PHF20: variants seen among roughly 807,000 people sequenced by gnomAD.
The protein encoded by PHF20 is glioma-expressed antigen 2.
A neutral mutation model predicts 113.5 loss-of-function variants in PHF20; 23 were observed. That is an observed-to-expected ratio of 0.20 (90% CI 0.15 to 0.29). The LOEUF (loss-of-function observed/expected upper bound fraction) is 0.29. PHF20 is among the 10% of genes least tolerant of loss of function. The pLI is 1.00. For synonymous variants in PHF20, 434 were observed against 457.3 expected (o/e 0.95, Z 0.65); for missense variants, 943 against 1,219.6 (o/e 0.77, Z 3.38).
intron 3 of PHF20, among the ~76,000 whole-genome samples, chr20:35,846,313 G>T (rs1265105475): frequency 1.3e-5 from 2 of 151,814 alleles, no homozygotes; most frequent in African/African-American, 4.8e-5. Context: ...CGAGAAGCTG[G>T]GATTACAGGT....
At chr20:35,938,489 A>C (rs2055909826) in intron 15 of PHF20, 1 of 562,842 alleles carries the variant, frequency 1.8e-6, no homozygotes, top group Non-Finnish European at 3.1e-6. Context: ...AGTCCCACTC[A>C]CTGTGTGTGA....
intron 2 of PHF20, among the ~76,000 whole-genome samples, chr20:35,841,182 A>G (rs2042529051): frequency 6.6e-6 from 1 of 151,844 alleles, no homozygotes; most frequent in African/African-American, 2.4e-5. Context: ...CCATCTCTAC[A>G]AAAAATACAA....
chr20:35,821,433 C>CA lies in PHF20; in HGVS notation c.83+19840dup, dbSNP rs541660924. 7.5e-3 allele frequency among the ~76,000 whole-genome samples: 569 copies of CA among 75,798 alleles called. 1 individual carries two copies. The highest frequency in any genetic ancestry group is 0.06 in the Middle Eastern group (5 of 84). 49.7% of individuals were successfully genotyped at this position (75,798 alleles called of 152,430 possible). On this transcript the variant is annotated intron_variant, in intron 2 of 17. Transcript: ENST00000374012. The stretch of plus-strand genomic sequence containing the variant: ...CTAGGCAACAAGAGCGAAACTCTGT[C>CA]AAAAAAAAAAAAGGGGCTGTGAGCC...
chr20:35,917,491 T>G lies in PHF20; in HGVS notation c.1833T>G (p.Asp611Glu), dbSNP rs79232141. The stretch of plus-strand genomic sequence containing the variant: ...TTTTCCCTTTCCTCGTAGAGGAGGA[T>G]AATTTGAGTGAGTCCTCTTCTGAGA... ...HKGKVKALEE[D>E]NLSESSSESF... The change falls in exon 13 of 18, where the codon GAT becomes GAG. Residue 611 changes from aspartate to glutamate, a missense_variant. Asp to Glu is a conservative substitution (Grantham distance 45). This residue lies in a region of PHF20 where 592 missense variants were observed against 787.2 expected (regional missense o/e 0.75). Coordinates refer to ENST00000374012, the MANE Select transcript of PHF20 (RefSeq NM_016436.5). 274 of 1,613,264 alleles carry G rather than the reference T, an allele frequency of 1.7e-4. No individual in the cohort carries two copies. The East Asian group carries it at 5.4e-3, about 32-fold the overall frequency.
chr20:35,807,663 A>C (rs985607890), intron 2 of PHF20, among the ~76,000 whole-genome samples: 4 of 152,024 alleles, frequency 2.6e-5, no homozygotes, highest in Admixed American at 6.6e-5. Context: ...AGATCTTTAT[A>C]TATATATTTT....
At chr20:35,923,110 G>A (rs1226608790) in intron 13 of PHF20, among the ~76,000 whole-genome samples, 4 of 152,180 alleles carry the variant, frequency 2.6e-5, no homozygotes, top group African/African-American at 7.2e-5. Flanking sequence ...GTGAGACCCT[G>A]TCTCAAAAAA....
intron 2 of PHF20, among the ~76,000 whole-genome samples, chr20:35,807,441 C>T (rs1028398703): frequency 1.3e-5 from 2 of 151,450 alleles, no homozygotes; most frequent in Admixed American, 6.6e-5. Flanking sequence ...CAACCTCCGC[C>T]TCCCAGGCTC....
intron 10 of PHF20, among the ~76,000 whole-genome samples, chr20:35,903,715 A>G (rs1310226541): frequency 6.6e-6 from 1 of 152,196 alleles, no homozygotes; most frequent in East Asian, 1.9e-4. Context: ...AAGCCTGGCC[A>G]CCAGCCCTGA....
At chr20:35,907,513 G>A (rs2055221772) in intron 10 of PHF20, among the ~76,000 whole-genome samples, 2 of 152,208 alleles carry the variant, frequency 1.3e-5, no homozygotes, top group South Asian at 4.1e-4. Flanking sequence ...GCAGACCAGC[G>A]ACCAGCACTG....
intron 1 of PHF20, among the ~76,000 whole-genome samples, chr20:35,795,353 C>A (rs550700761): frequency 6.6e-6 from 1 of 151,802 alleles, no homozygotes; most frequent in Admixed American, 6.6e-5. Flanking sequence ...TTCTGCCTCA[C>A]CCTCCTGAGT....
rs781127763 is a variant in PHF20 at position 35,899,404 on chromosome 20, G to T, written c.1317G>T (p.Gly439=). ...TNTFKKTDDF[G]SSNAPAVDLD... ...CTTTTAAGAAAACAGATGATTTTGG[G>T]TCATCTAATGCACCAGCTGTCGACC... is the stretch of plus-strand genomic sequence containing the variant. The change falls in exon 10 of 18, where the codon GGG becomes GGT. Residue 439 remains glycine, a synonymous_variant. Coordinates refer to ENST00000374012, the MANE Select transcript of PHF20 (RefSeq NM_016436.5). 83 of 1,611,302 alleles carry T rather than the reference G, an allele frequency of 5.2e-5. No homozygotes were observed. In the East Asian group the frequency reaches 6.9e-4, roughly 13 times the overall value.
chr20:35,800,536 T>G (rs922870031), intron 1 of PHF20, among the ~76,000 whole-genome samples: 1 of 152,184 alleles, frequency 6.6e-6, no homozygotes, highest in African/African-American at 2.4e-5. Context: ...TTTGGGAGGT[T>G]GATGTGGGCA....
chr20:35,824,563 C>T (rs981288121), intron 2 of PHF20, among the ~76,000 whole-genome samples: 57 of 151,392 alleles, frequency 3.8e-4, no homozygotes, highest in African/African-American at 1.3e-3. Flanking sequence ...GCCAAGATCA[C>T]GCCATTGCAC....
At chr20:35,832,405 A>C (rs1252616716) in intron 2 of PHF20, among the ~76,000 whole-genome samples, 1 of 152,248 alleles carries the variant, frequency 6.6e-6, no homozygotes, top group African/African-American at 2.4e-5. Flanking sequence ...TGTAGTAAGT[A>C]AGAGACAGAT....
chr20:35,946,940 C>A (rs567849948), intron 17 of PHF20, among the ~76,000 whole-genome samples: 2 of 152,120 alleles, frequency 1.3e-5, no homozygotes, highest in Admixed American at 6.6e-5. Flanking sequence ...GATCTCTTGA[C>A]CTTGTGATCT....
intron 9 of PHF20, among the ~76,000 whole-genome samples, chr20:35,882,417 T>A (rs1165393419): frequency 6.6e-6 from 1 of 152,188 alleles, no homozygotes; most frequent in Non-Finnish European, 1.5e-5. Context: ...TGGGTAATAT[T>A]TATTTATGTA....
intron 2 of PHF20, 195 bp downstream of exon 2, chr20:35,801,800 A>G (rs541568216): frequency 2.2e-6 from 1 of 449,488 alleles, no homozygotes; most frequent in South Asian, 3.0e-5. Context: ...CCCCCTGTAT[A>G]TATTTGTTTC....
intron 9 of PHF20, among the ~76,000 whole-genome samples, chr20:35,887,398 G>C (rs1307820295): frequency 6.6e-6 from 1 of 152,140 alleles, no homozygotes; most frequent in Non-Finnish European, 1.5e-5. Flanking sequence ...TCTCATCTGA[G>C]CACTCTACTG....
At chr20:35,931,553 G>A (rs2055753840) in intron 15 of PHF20, 109 bp downstream of exon 15, 2 of 743,706 alleles carry the variant, frequency 2.7e-6, no homozygotes, top group South Asian at 5.0e-5. Context: ...ATAAAACTGA[G>A]TTTGAGACCT....
Sources: gnomAD v4.1 joint callset for allele counts (sites outside exome capture counted in the v4.1 genomes callset) on GRCh38, gnomAD v4.1.1 for gene constraint, gnomAD v4.1.1 regional missense constraint, MANE v1.5 for transcripts, NCBI Gene and HGNC (gene_info 2026-07-23, HGNC 2026-07-21) for gene names.